Variants in ACTR3C observed in about 807,000 individuals in gnomAD.
ACTR3C encodes the protein actin-related protein 3C.
Under a neutral mutation model 26.3 loss-of-function variants are expected in ACTR3C, and 18 were observed. That is an observed-to-expected ratio of 0.68 (90% CI 0.47 to 1.01). The LOEUF (loss-of-function observed/expected upper bound fraction) is 1.01, where lower values mean the gene tolerates loss of function less well. ACTR3C is among the 50% of genes least tolerant of loss of function. The probability of loss-of-function intolerance (pLI) is 0.00; values close to 1 mark genes in which losing one functional copy is unlikely to be tolerated. For synonymous variants in ACTR3C, 55 were observed against 94.5 expected (o/e 0.58, Z 2.42); for missense variants, 184 against 250.7 (o/e 0.73, Z 1.80).
At chr7:149,994,611 A>T in the ACTR3C span, among the ~76,000 whole-genome samples, 3 of 151,982 alleles carry the variant, frequency 2.0e-5, no homozygotes, top group Non-Finnish European at 2.9e-5. Flanking sequence ...CAAAAGAAAA[A>T]AAAATGGAAG....
At chr7:149,922,969 G>GTTTTTTTTT in the ACTR3C span, among the ~76,000 whole-genome samples, 7 of 23,102 alleles carry the variant, frequency 3.0e-4, no homozygotes, top group Admixed American at 1.2e-3. Context: ...GAAATAAAAG[G>GTTTTTTTTT]CTTTTTTTTT....
chr7:149,966,848 T>G, the ACTR3C span, among the ~76,000 whole-genome samples: 3 of 149,160 alleles, frequency 2.0e-5, no homozygotes, highest in Non-Finnish European at 4.4e-5. Flanking sequence ...TTTTCTTTTC[T>G]TTTTTCTTTC....
the ACTR3C span, among the ~76,000 whole-genome samples, chr7:150,038,878 GC>G: frequency 3.5e-5 from 4 of 114,290 alleles, no homozygotes; most frequent in South Asian, 2.7e-4. Flanking sequence ...TCCCTGCCTC[GC>G]GGGGGGTGCC....
chr7:150,249,773 A>C (rs531808230), intron 6 of ACTR3C, among the ~76,000 whole-genome samples: 2 of 152,250 alleles, frequency 1.3e-5, no homozygotes, highest in Admixed American at 6.5e-5. Context: ...TGAGTTTTTA[A>C]AAGCGATATT....
chr7:150,284,821 A>T lies in ACTR3C; in HGVS notation c.496T>A (p.Ser166Thr). 6.2e-7 allele frequency: 1 copy of T among 1,612,522 alleles called. No individual in the cohort carries two copies. The highest frequency in any genetic ancestry group is 8.5e-7 in the Non-Finnish European group (1 of 1,179,316). ...PEFANPDSME[S>T]ISDVVDEVIQ... ...ACTTCATCAACAACATCTGAGATGG[A>T]CTCCATAGAGTCTGGGTTGGCAAAC... The change falls in exon 6 of 8, where the codon TCC becomes ACC. Residue 166 changes from serine to threonine, a missense_variant. Transcript: ENST00000683684.
chr7:150,315,719 G>A (rs1300915292), intron 1 of ACTR3C, among the ~76,000 whole-genome samples: 1 of 152,088 alleles, frequency 6.6e-6, no homozygotes, highest in Admixed American at 6.5e-5. Context: ...GTCTTTTCCA[G>A]AGAGACTCTA....
chr7:150,037,990 C>A, the ACTR3C span, among the ~76,000 whole-genome samples: 2 of 139,084 alleles, frequency 1.4e-5, no homozygotes, highest in Non-Finnish European at 3.2e-5. Context: ...TCGCAGTCCC[C>A]GCCTCGCGGG....
At chr7:149,884,099 A>G in the ACTR3C span, among the ~76,000 whole-genome samples, 1 of 152,168 alleles carries the variant, frequency 6.6e-6, no homozygotes, top group Non-Finnish European at 1.5e-5. Context: ...TTTGAACAGA[A>G]ATAGGATAGT....
chr7:149,905,567 A>C, the ACTR3C span, among the ~76,000 whole-genome samples: 15 of 151,294 alleles, frequency 9.9e-5, no homozygotes, highest in East Asian at 2.5e-3. Flanking sequence ...GATAATTTTT[A>C]AAAATGTCAT....
the ACTR3C span, among the ~76,000 whole-genome samples, chr7:150,187,274 T>C: frequency 7.3e-5 from 11 of 151,186 alleles, no homozygotes; most frequent in Admixed American, 7.2e-4. Context: ...ACCTGTGTTT[T>C]TTAACTCTTT....
the ACTR3C span, among the ~76,000 whole-genome samples, chr7:150,209,206 CAG>C: frequency 8.7e-3 from 1,175 of 135,160 alleles, 52 homozygotes; most frequent in African/African-American, 0.021. Flanking sequence ...CACACACATA[CAG>C]AGAGAGAGAG....
the ACTR3C span, among the ~76,000 whole-genome samples, chr7:150,198,727 G>C: frequency 1.5e-5 from 2 of 137,692 alleles, no homozygotes; most frequent in Non-Finnish European, 3.3e-5. Flanking sequence ...TCTCCGCCCG[G>C]CAGCCACCCC....
At chr7:150,153,873 C>A in the ACTR3C span, among the ~76,000 whole-genome samples, 3 of 132,836 alleles carry the variant, frequency 2.3e-5, no homozygotes, top group African/African-American at 8.9e-5. Flanking sequence ...CACATATACA[C>A]CATGGAATAC....
chr7:150,025,513 CTT>C, the ACTR3C span, among the ~76,000 whole-genome samples: 49,101 of 151,634 alleles, frequency 0.32, 8,142 homozygotes, highest in Middle Eastern at 0.4. Flanking sequence ...AGCCCCCTCT[CTT>C]TTCCCCAGCA....
At chr7:150,070,607 C>CCAT in the ACTR3C span, among the ~76,000 whole-genome samples, 3 of 152,002 alleles carry the variant, frequency 2.0e-5, no homozygotes, top group Non-Finnish European at 4.4e-5. Flanking sequence ...TGCGCCGCCA[C>CCAT]GCCTGGCTAA....
the ACTR3C span, among the ~76,000 whole-genome samples, chr7:150,225,062 T>C: frequency 4.0e-5 from 6 of 149,366 alleles, no homozygotes. Context: ...TGCACGAGCA[T>C]GCGATTGGAA....
the ACTR3C span, among the ~76,000 whole-genome samples, chr7:150,082,532 T>C: frequency 4.6e-5 from 7 of 152,120 alleles, no homozygotes; most frequent in African/African-American, 1.7e-4. Context: ...GTGGTGGCCT[T>C]GTCTTGATGG....
chr7:150,110,935 T>C, the ACTR3C span, among the ~76,000 whole-genome samples: 1 of 148,726 alleles, frequency 6.7e-6, no homozygotes, highest in Non-Finnish European at 1.5e-5. Context: ...CAGGGGACAT[T>C]GGAGAGAGGG....
chr7:150,221,539 G>C, the ACTR3C span, among the ~76,000 whole-genome samples: 7 of 152,170 alleles, frequency 4.6e-5, no homozygotes, highest in Admixed American at 3.9e-4. Flanking sequence ...ATATAGTTGA[G>C]TTTGAATATT....
Sources: allele counts gnomAD v4.1 joint callset (sites outside exome capture counted in the v4.1 genomes callset), GRCh38; gene constraint gnomAD v4.1.1; transcripts MANE v1.5; gene names NCBI Gene and HGNC (gene_info 2026-07-23, HGNC 2026-07-21).